ROR2: variants seen among roughly 807,000 people sequenced by gnomAD.
The protein encoded by ROR2 is ROR family WNT receptor 2, also known as tyrosine-protein kinase transmembrane receptor ROR2.
ROR2 carries 33 observed loss-of-function variants against 74.9 expected under a neutral mutation model. That is an observed-to-expected ratio of 0.44 (90% CI 0.33 to 0.59). ROR2 has a LOEUF of 0.59. ROR2 is among the 20% of genes least tolerant of loss of function. The pLI is 0.02. For missense variants in ROR2, 1,216 were observed against 1,313.8 expected (o/e 0.93, Z 1.15); for synonymous variants, 586 against 558.7 (o/e 1.05, Z -0.69).
chr9:91,913,195 C>A (rs562830990), intron 1 of ROR2, among the ~76,000 whole-genome samples: 2 of 151,926 alleles, frequency 1.3e-5, no homozygotes, highest in African/African-American at 4.8e-5. Context: ...CAATGGTACT[C>A]TTTTTAAAAG....
chr9:91,918,414 T>TA (rs1163820268), intron 1 of ROR2, among the ~76,000 whole-genome samples: 2 of 152,190 alleles, frequency 1.3e-5, no homozygotes, highest in Admixed American at 6.5e-5. Flanking sequence ...TCCCTAACCC[T>TA]AAATACTTTC....
chr9:91,877,385 T>A lies in ROR2; in HGVS notation c.97+72482A>T, dbSNP rs1157773856. Among the ~76,000 whole-genome samples the A allele has an allele frequency of 2.0e-5, 3 of 152,164 alleles. No homozygotes were observed. The East Asian group carries it at 5.8e-4, about 29-fold the overall frequency. On this transcript the variant is annotated intron_variant, in intron 1 of 8. Transcript: ENST00000375708. The stretch of plus-strand genomic sequence containing the variant: ...CTGTCAGGGGGTACATGGCTATCCA[T>A]AAGTCATGTGCCCAATCTAAGTGGA...
At chr9:91,759,861 T>C (rs1825860811) in intron 2 of ROR2, among the ~76,000 whole-genome samples, 2 of 152,200 alleles carry the variant, frequency 1.3e-5, no homozygotes, top group South Asian at 2.1e-4. Flanking sequence ...CTTCACATTA[T>C]ATTGGAAGCT....
At chr9:91,752,093 A>G (rs1437603432) in intron 4 of ROR2, among the ~76,000 whole-genome samples, 1 of 152,214 alleles carries the variant, frequency 6.6e-6, no homozygotes, top group African/African-American at 2.4e-5. Flanking sequence ...AAGGCTGACC[A>G]CACCAATGTT....
At chr9:91,844,874 G>C (rs1457400397) in intron 1 of ROR2, among the ~76,000 whole-genome samples, 1 of 152,186 alleles carries the variant, frequency 6.6e-6, no homozygotes, top group East Asian at 1.9e-4. Context: ...ATGGGACAGG[G>C]AAGGCGGGGC....
chr9:91,893,195 C>G (rs1830465653), intron 1 of ROR2, among the ~76,000 whole-genome samples: 1 of 152,090 alleles, frequency 6.6e-6, no homozygotes, highest in Non-Finnish European at 1.5e-5. Context: ...CCGACTTGGC[C>G]AGACAGAACC....
chr9:91,874,036 T>C (rs904410824), intron 1 of ROR2, among the ~76,000 whole-genome samples: 1 of 152,166 alleles, frequency 6.6e-6, no homozygotes, highest in Non-Finnish European at 1.5e-5. Flanking sequence ...ACTTACAGCC[T>C]GTAATTTGGT....
chr9:91,814,651 C>T (rs1029601488), intron 1 of ROR2, among the ~76,000 whole-genome samples: 1 of 152,220 alleles, frequency 6.6e-6, no homozygotes, highest in Non-Finnish European at 1.5e-5. Flanking sequence ...CGTTTACAGG[C>T]TCCCTCATTA....
chr9:91,880,937 A>G (rs530564144), intron 1 of ROR2, among the ~76,000 whole-genome samples: 10 of 152,354 alleles, frequency 6.6e-5, no homozygotes, highest in Admixed American at 4.6e-4. Flanking sequence ...GATGGTGGTC[A>G]TGCATCTGTT....
intron 1 of ROR2, among the ~76,000 whole-genome samples, chr9:91,839,084 G>A (rs1054144565): frequency 1.3e-5 from 2 of 152,150 alleles, no homozygotes; most frequent in African/African-American, 4.8e-5. Context: ...CTGGCTACGC[G>A]CAGGCACATA....
intron 1 of ROR2, among the ~76,000 whole-genome samples, chr9:91,805,274 C>A (rs150752475): frequency 6.6e-5 from 10 of 152,236 alleles, no homozygotes; most frequent in African/African-American, 2.4e-4. Flanking sequence ...CTCCAAGACA[C>A]GGAGTTAGGG....
At chr9:91,757,645 C>A in intron 2 of ROR2, 86 bp from the exon 3 acceptor site, 2 of 1,497,124 alleles carry the variant, frequency 1.3e-6, no homozygotes, top group Non-Finnish European at 1.8e-6. Context: ...TGAACTCTTC[C>A]AAGGGAAGGT....
At chr9:91,754,567 ATTG>A (rs1825685659) in intron 4 of ROR2, among the ~76,000 whole-genome samples, 1 of 152,174 alleles carries the variant, frequency 6.6e-6, no homozygotes, top group African/African-American at 2.4e-5. Context: ...AGACAGGAGA[ATTG>A]CCTGAACTTG....
chr9:91,817,554 G>A (rs886105612), intron 1 of ROR2, among the ~76,000 whole-genome samples: 3 of 152,230 alleles, frequency 2.0e-5, no homozygotes, highest in South Asian at 2.1e-4. Flanking sequence ...CGTCTCCTCC[G>A]GGGAGTGAAG....
intron 1 of ROR2, among the ~76,000 whole-genome samples, chr9:91,922,167 G>A (rs1415703078): frequency 1.3e-5 from 2 of 151,976 alleles, no homozygotes; most frequent in Admixed American, 6.6e-5. Context: ...TGTTGAGAAC[G>A]TAGAGAAATT....
At chr9:91,897,232 T>C (rs1246210087) in intron 1 of ROR2, among the ~76,000 whole-genome samples, 1 of 152,256 alleles carries the variant, frequency 6.6e-6, no homozygotes, top group Admixed American at 6.5e-5. Context: ...AAGCTACTTA[T>C]TAAAATTAGC....
At position 91,790,425 on chromosome 9, in the gene ROR2, G is replaced by A. The variant is rs144173851; in HGVS notation, c.98-14607C>T. ...CTCGGGAGGCTGAGGCAGAATAATC[G>A]CTTGAACCTGGGAGAAGGAGACTGC... On this transcript the variant is annotated intron_variant, in intron 1 of 8. Transcript: ENST00000375708. 3.7e-3 allele frequency among the ~76,000 whole-genome samples: 561 copies of A among 151,298 alleles called. 1 individual carries two copies. Among genetic ancestry groups the A allele is most frequent in the African/African-American group, 0.013 (532 of 41,210 alleles).
chr9:91,886,262 G>C (rs1442049345), intron 1 of ROR2, among the ~76,000 whole-genome samples: 3 of 152,170 alleles, frequency 2.0e-5, no homozygotes, highest in Non-Finnish European at 4.4e-5. Flanking sequence ...GAGCAGGAGA[G>C]GAGGCCATGT....
chr9:91,778,376 G>A (rs1382038601), intron 1 of ROR2, among the ~76,000 whole-genome samples: 2 of 152,170 alleles, frequency 1.3e-5, no homozygotes, highest in Non-Finnish European at 2.9e-5. Context: ...GAATGATCAC[G>A]GTCGTGCGCC....
Sources: gnomAD v4.1 joint callset for allele counts (sites outside exome capture counted in the v4.1 genomes callset) on GRCh38, gnomAD v4.1.1 for gene constraint, MANE v1.5 for transcripts, NCBI Gene and HGNC (gene_info 2026-07-23, HGNC 2026-07-21) for gene names.